The following MACROD2 variants were observed in gnomAD, a reference collection of about 807,000 sequenced individuals.
MACROD2 encodes ADP-ribose glycohydrolase MACROD2.
Under a neutral mutation model 70.4 loss-of-function variants are expected in MACROD2, and 36 were observed. That is an observed-to-expected ratio of 0.51 (90% CI 0.39 to 0.68). The LOEUF (loss-of-function observed/expected upper bound fraction) is 0.68. MACROD2 is among the 30% of genes least tolerant of loss of function. The pLI is 0.00. For missense variants in MACROD2, 496 were observed against 538.4 expected (o/e 0.92, Z 0.78); for synonymous variants, 172 against 178.8 (o/e 0.96, Z 0.30).
At chr20:14,011,504 G>C (rs936061780) in intron 2 of MACROD2, among the ~76,000 whole-genome samples, 38 of 151,556 alleles carry the variant, frequency 2.5e-4, no homozygotes, top group African/African-American at 9.2e-4. Flanking sequence ...TAAAAAGCCT[G>C]TTCAAGTAGA....
chr20:14,457,831 G>A (rs1453711054), intron 3 of MACROD2, among the ~76,000 whole-genome samples: 2 of 152,122 alleles, frequency 1.3e-5, no homozygotes, highest in African/African-American at 4.8e-5. Flanking sequence ...CAGAGGGCTG[G>A]GATCATGCCT....
intron 3 of MACROD2, among the ~76,000 whole-genome samples, chr20:14,167,732 T>G (rs1408602712): frequency 6.6e-6 from 1 of 152,150 alleles, no homozygotes; most frequent in African/African-American, 2.4e-5. Context: ...AAAAGACCCA[T>G]AATTTCTTAA....
intron 3 of MACROD2, among the ~76,000 whole-genome samples, chr20:14,308,587 G>A (rs536932451): frequency 6.6e-6 from 1 of 152,212 alleles, no homozygotes; most frequent in South Asian, 2.1e-4. Context: ...ACAGTTCAAA[G>A]GAAAATGACT....
chr20:14,340,130 G>T (rs912005069), intron 3 of MACROD2, among the ~76,000 whole-genome samples: 1 of 152,180 alleles, frequency 6.6e-6, no homozygotes. Flanking sequence ...GAAGGGGATG[G>T]AATGCTGGCA....
chr20:15,073,518 A>G (rs995949898), intron 5 of MACROD2, among the ~76,000 whole-genome samples: 1 of 150,078 alleles, frequency 6.7e-6, no homozygotes, highest in African/African-American at 2.4e-5. Context: ...CACGTACCAC[A>G]TTTCTTTTCA....
chr20:15,315,182 T>A (rs1371081749), intron 6 of MACROD2, among the ~76,000 whole-genome samples: 1 of 152,222 alleles, frequency 6.6e-6, no homozygotes, highest in Non-Finnish European at 1.5e-5. Flanking sequence ...TGTATGTATA[T>A]GTAATACACT....
intron 12 of MACROD2, among the ~76,000 whole-genome samples, chr20:15,942,089 C>T (rs1297426827): frequency 1.3e-5 from 2 of 152,164 alleles, no homozygotes; most frequent in Admixed American, 6.6e-5. Flanking sequence ...CAGGTGTCCT[C>T]TTTGCCAGCA....
rs183825012 is a variant in MACROD2 at position 14,295,566 on chromosome 20, G to T, written c.272-197913G>T. On this transcript the variant is annotated intron_variant, in intron 3 of 17. Coordinates refer to ENST00000684519, the MANE Select transcript of MACROD2 (RefSeq NM_001351661.2). Reference sequence around the variant, plus strand: ...GAATATCATTAGGAGGGGACTGTGTGGGGGGGCTGGGGGGAGTGGTAATAC... The same window carrying T: ...GAATATCATTAGGAGGGGACTGTGTTGGGGGGCTGGGGGGAGTGGTAATAC... 2.7e-4 allele frequency among the ~76,000 whole-genome samples: 40 copies of T among 150,406 alleles called. No homozygotes were observed. In the East Asian group the frequency reaches 4.9e-3, roughly 19 times the overall value.
At chr20:15,305,295 A>G (rs567888295) in intron 6 of MACROD2, among the ~76,000 whole-genome samples, 8 of 152,146 alleles carry the variant, frequency 5.3e-5, no homozygotes, top group South Asian at 4.2e-4. Context: ...CACCTATTGA[A>G]CATATTTACA....
intron 3 of MACROD2, among the ~76,000 whole-genome samples, chr20:14,160,169 G>A (rs1468373455): frequency 6.6e-6 from 1 of 152,104 alleles, no homozygotes; most frequent in East Asian, 1.9e-4. Flanking sequence ...TAAAGATACT[G>A]CCTGTGGTTT....
chr20:15,720,013 A>T (rs542072745), intron 8 of MACROD2, among the ~76,000 whole-genome samples: 1 of 152,226 alleles, frequency 6.6e-6, no homozygotes, highest in South Asian at 2.1e-4. Context: ...TGATAAGATC[A>T]GTTTTTTAGC....
chr20:15,061,142 T>C (rs140428428), intron 5 of MACROD2, among the ~76,000 whole-genome samples: 226 of 152,300 alleles, frequency 1.5e-3, no homozygotes, highest in African/African-American at 4.9e-3. Flanking sequence ...GATATCTGGA[T>C]TATTTCCTTC....
At chr20:15,041,696 G>A (rs555567174) in intron 5 of MACROD2, among the ~76,000 whole-genome samples, 9 of 152,072 alleles carry the variant, frequency 5.9e-5, no homozygotes, top group East Asian at 1.9e-4. Flanking sequence ...CTCCTGCCTC[G>A]GCCTCCCAAA....
chr20:14,007,469 CA>C (rs1216924810), intron 2 of MACROD2, among the ~76,000 whole-genome samples: 1 of 152,124 alleles, frequency 6.6e-6, no homozygotes, highest in African/African-American at 2.4e-5. Context: ...ACAAAGGAGG[CA>C]TATACGTGTG....
intron 5 of MACROD2, among the ~76,000 whole-genome samples, chr20:15,065,561 G>T (rs2075567306): frequency 1.3e-5 from 2 of 151,646 alleles, no homozygotes; most frequent in South Asian, 4.2e-4. Flanking sequence ...GGCTGAGGCA[G>T]GAGAATGGCG....
intron 10 of MACROD2, among the ~76,000 whole-genome samples, chr20:15,886,339 G>A (rs547462991): frequency 1.3e-5 from 2 of 152,186 alleles, no homozygotes; most frequent in East Asian, 1.9e-4. Context: ...AAAGCATGGC[G>A]GCCAGCTTCC....
intron 8 of MACROD2, among the ~76,000 whole-genome samples, chr20:15,597,564 G>C (rs767034689): frequency 1.3e-5 from 2 of 152,178 alleles, no homozygotes; most frequent in Non-Finnish European, 2.9e-5. Context: ...ATGAAATAGA[G>C]CAGACACGTC....
In MACROD2 at chr20:14,752,727, C is replaced by T. The variant is rs2071889977; in HGVS notation, c.418+67768C>T. ...ATTTTTGTCCCTGTCTCATGCCATG[C>T]TTAACCGTATTACTTTGCAGTTCCG... On this transcript the variant is annotated intron_variant, in intron 5 of 17. Transcript: ENST00000684519. 2.0e-5 allele frequency among the ~76,000 whole-genome samples: 3 copies of T among 152,064 alleles called. No individual in the cohort carries two copies. In the South Asian group the frequency reaches 6.2e-4, roughly 31 times the overall value.
chr20:14,768,565 T>A (rs1396072727), intron 5 of MACROD2, among the ~76,000 whole-genome samples: 1 of 152,096 alleles, frequency 6.6e-6, no homozygotes, highest in Non-Finnish European at 1.5e-5. Flanking sequence ...GCAATCCTCC[T>A]GCCTCAGCCT....
Sources: gnomAD v4.1 joint callset for allele counts (sites outside exome capture counted in the v4.1 genomes callset) on GRCh38, gnomAD v4.1.1 for gene constraint, MANE v1.5 for transcripts, NCBI Gene and HGNC (gene_info 2026-07-23, HGNC 2026-07-21) for gene names.